FGF10: variants seen among roughly 807,000 people sequenced by gnomAD.
FGF10 encodes the protein fibroblast growth factor 10.
A neutral mutation model predicts 19.8 loss-of-function variants in FGF10; 2 were observed. The observed-to-expected ratio is 0.10, with a 90% CI of 0.04 to 0.32. FGF10 has a LOEUF of 0.32. FGF10 is among the 10% of genes least tolerant of loss of function. The pLI, the probability that FGF10 is intolerant of heterozygous loss-of-function variation, is 1.00. For missense variants in FGF10, 191 were observed against 246.3 expected (o/e 0.78, Z 1.50); for synonymous variants, 112 against 94.0 (o/e 1.19, Z -1.10).
chr5:44,318,564 A>C (rs1740409358), intron 1 of FGF10, among the ~76,000 whole-genome samples: 1 of 152,146 alleles, frequency 6.6e-6, no homozygotes, highest in Admixed American at 6.6e-5. Context: ...CGAGCATTGG[A>C]AGGACAGAAA....
At chr5:44,366,411 G>A (rs1048197645) in intron 1 of FGF10, among the ~76,000 whole-genome samples, 4 of 151,872 alleles carry the variant, frequency 2.6e-5, no homozygotes, top group Non-Finnish European at 5.9e-5. Flanking sequence ...ATTAAGGAAA[G>A]CATTGCTTCT....
intron 1 of FGF10, among the ~76,000 whole-genome samples, chr5:44,352,657 T>G (rs1292389595): frequency 1.3e-5 from 2 of 151,610 alleles, no homozygotes; most frequent in Non-Finnish European, 3.0e-5. Flanking sequence ...CCCAGGCTTC[T>G]TATGCTGAGA....
intron 1 of FGF10, among the ~76,000 whole-genome samples, chr5:44,352,685 A>G (rs1394787118): frequency 6.6e-6 from 1 of 151,618 alleles, no homozygotes; most frequent in African/African-American, 2.4e-5. Flanking sequence ...TTCCAGGTAC[A>G]TTTGATTCTA....
rs192429023 is a variant in FGF10, at chr5:44,337,302, G to T, written c.326-26772C>A. On this transcript the variant is annotated intron_variant, in intron 1 of 2. Transcript: ENST00000264664. ...TTGAATTCCACAGTCTATTATAGAA[G>T]ATCTCATTATGATCAATTGAGGCAT... 2.3e-3 allele frequency among the ~76,000 whole-genome samples: 349 copies of T among 152,150 alleles called. 4 individuals carry two copies. Among genetic ancestry groups the T allele is most frequent in the Non-Finnish European group, 1.5e-3 (101 of 67,992 alleles).
chr5:44,348,315 C>T (rs1741132959), intron 1 of FGF10, among the ~76,000 whole-genome samples: 1 of 151,618 alleles, frequency 6.6e-6, no homozygotes, highest in Admixed American at 6.6e-5. Context: ...ACAAAGTTAA[C>T]ACTAATAAAA....
intron 1 of FGF10, among the ~76,000 whole-genome samples, chr5:44,324,005 A>G (rs192808406): frequency 2.0e-5 from 3 of 152,158 alleles, no homozygotes; most frequent in African/African-American, 7.2e-5. Flanking sequence ...ATCCCTATCT[A>G]TCTACCTATC....
chr5:44,321,144 T>C (rs1308515154), intron 1 of FGF10, among the ~76,000 whole-genome samples: 1 of 152,108 alleles, frequency 6.6e-6, no homozygotes, highest in East Asian at 1.9e-4. Context: ...TGGTGAAGAG[T>C]TGATCCTTCC....
intron 1 of FGF10, among the ~76,000 whole-genome samples, chr5:44,370,770 T>G (rs1250048771): frequency 6.6e-6 from 1 of 152,062 alleles, no homozygotes; most frequent in African/African-American, 2.4e-5. Flanking sequence ...AGTTTTAGAA[T>G]CTTATTTTTT....
rs377569786 is a variant in FGF10, at chr5:44,350,268, A to T, written c.325+38090T>A. On this transcript the variant is annotated intron_variant, in intron 1 of 2. Coordinates refer to ENST00000264664, the MANE Select transcript of FGF10 (RefSeq NM_004465.2). ...GAATATAAGAATCTTAAACTAATAC[A>T]TATGAATATTTTAATGATATGAAAA... 2.0e-5 allele frequency among the ~76,000 whole-genome samples: 3 copies of T among 151,126 alleles called. No homozygotes were observed. In the East Asian group the frequency reaches 5.9e-4, roughly 30 times the overall value.
intron 2 of FGF10, among the ~76,000 whole-genome samples, chr5:44,306,406 C>CAAAACA (rs1579890704): frequency 6.6e-6 from 1 of 152,140 alleles, no homozygotes; most frequent in Admixed American, 6.5e-5. Context: ...CAAAACAAAA[C>CAAAACA]AAAACAAAAA....
intron 1 of FGF10, among the ~76,000 whole-genome samples, chr5:44,321,390 G>C (rs1385732203): frequency 3.3e-5 from 5 of 152,192 alleles, no homozygotes; most frequent in African/African-American, 1.2e-4. Flanking sequence ...TTTTCAGGAG[G>C]ATGTGCATGA....
chr5:44,368,367 C>T (rs1408698254), intron 1 of FGF10, among the ~76,000 whole-genome samples: 1 of 151,220 alleles, frequency 6.6e-6, no homozygotes, highest in Non-Finnish European at 1.5e-5. Context: ...AAAAAGATGT[C>T]TTTGGCTAAG....
chr5:44,344,175 G>A (rs554337278), intron 1 of FGF10, among the ~76,000 whole-genome samples: 1 of 152,036 alleles, frequency 6.6e-6, no homozygotes, highest in South Asian at 2.1e-4. Context: ...CAGAGAGACA[G>A]GTGAGACTGA....
intron 1 of FGF10, among the ~76,000 whole-genome samples, chr5:44,367,316 C>CT (rs1297181622): frequency 6.6e-6 from 1 of 151,890 alleles, no homozygotes; most frequent in Non-Finnish European, 1.5e-5. Flanking sequence ...AAGAAGAGAT[C>CT]TTTTTTTGTT....
At chr5:44,321,709 C>G (rs1740493638) in intron 1 of FGF10, among the ~76,000 whole-genome samples, 1 of 152,192 alleles carries the variant, frequency 6.6e-6, no homozygotes, top group Non-Finnish European at 1.5e-5. Context: ...AGTACATGCT[C>G]TTAACTCATG....
intron 1 of FGF10, among the ~76,000 whole-genome samples, chr5:44,369,578 C>G (rs1489687625): frequency 6.6e-6 from 1 of 152,150 alleles, no homozygotes; most frequent in Non-Finnish European, 1.5e-5. Context: ...GCGGAGCACT[C>G]TGACATGGTG....
intron 2 of FGF10, among the ~76,000 whole-genome samples, chr5:44,306,431 G>T (rs575987928): frequency 6.6e-6 from 1 of 152,246 alleles, no homozygotes; most frequent in South Asian, 2.1e-4. Flanking sequence ...CAGAAAAAGA[G>T]AAGTAGCTTC....
chr5:44,303,811 T>C lies in FGF10; in HGVS notation c.*1184A>G, dbSNP rs1396787718. 6.6e-6 allele frequency: 1 copy of C among 152,216 alleles called. No individual in the cohort carries two copies. Among genetic ancestry groups the C allele is most frequent in the Non-Finnish European group, 1.5e-5 (1 of 68,036 alleles). 9.4% of individuals were successfully genotyped at this position (152,216 alleles called of 1,614,324 possible). On this transcript the variant is annotated 3_prime_UTR_variant, in exon 3 of 3. Coordinates refer to ENST00000264664, the MANE Select transcript of FGF10 (RefSeq NM_004465.2). ...AAGCCCCTGGGAGAGTTGCGCTTCA[T>C]ACCAAATTCTTTGATAGTTCCTTTG... is the stretch of plus-strand genomic sequence containing the variant.
intron 1 of FGF10, among the ~76,000 whole-genome samples, chr5:44,312,239 GA>G (rs1740229885): frequency 6.6e-6 from 1 of 151,430 alleles, no homozygotes; most frequent in Non-Finnish European, 1.5e-5. Flanking sequence ...TGCATATTCT[GA>G]AAAATATTTT....
Sources: gnomAD v4.1 joint callset for allele counts (sites outside exome capture counted in the v4.1 genomes callset) on GRCh38, gnomAD v4.1.1 for gene constraint, MANE v1.5 for transcripts, NCBI Gene and HGNC (gene_info 2026-07-23, HGNC 2026-07-21) for gene names.